MMP15: variants seen among roughly 807,000 people sequenced by gnomAD.
MMP15 encodes matrix metalloproteinase-15.
In MMP15, 36 loss-of-function variants were observed where a neutral mutation model predicts 65.0. The observed-to-expected ratio is 0.55, with a 90% CI of 0.42 to 0.73. MMP15 has a LOEUF of 0.73. Among genes scored for constraint, MMP15 ranks in the 30% least tolerant of loss-of-function variants. The pLI is 0.00. For missense variants in MMP15, 870 were observed against 987.8 expected, an observed-to-expected ratio of 0.88 and a Z score of 1.60; for synonymous variants, 428 against 410.2, an observed-to-expected ratio of 1.04 and a Z score of -0.52.
At position 58,037,534 on chromosome 16, in the gene MMP15, C is replaced by T. The variant is rs140533094; in HGVS notation, c.225C>T (p.Ser75=). The change falls in exon 2 of 10, where the codon TCC becomes TCT. Residue 75 remains serine (S), a synonymous_variant. Coordinates refer to ENST00000219271, the MANE Select transcript of MMP15 (RefSeq NM_002428.4). ...GCCGCCATATGTCCACCATGCGTTC[C>T]GCCCAGATCTTGGCCTCGGCCCTTG... The part of the protein sequence containing the change: ...QPSRHMSTMR[S]AQILASALAE... 516 of 1,614,166 alleles carry T rather than the reference C, an allele frequency of 3.2e-4. No individual in the cohort carries two copies. In the African/African-American group the frequency reaches 5.1e-3, roughly 16 times the overall value.
intron 1 of MMP15, among the ~76,000 whole-genome samples, chr16:58,036,351 G>A (rs1029164528): frequency 2.0e-5 from 3 of 152,230 alleles, no homozygotes; most frequent in Non-Finnish European, 4.4e-5. Flanking sequence ...CCTGTGGGGT[G>A]TGGGTTCCTT....
chr16:58,041,249 G>A (rs796465546), intron 5 of MMP15, among the ~76,000 whole-genome samples: 5 of 152,288 alleles, frequency 3.3e-5, no homozygotes, highest in African/African-American at 1.2e-4. Flanking sequence ...TGCCGTGCTG[G>A]GCACTTGACG....
In MMP15 at chr16:58,026,460, T is replaced by C; in HGVS notation, c.110T>C (p.Leu37Pro). 2.1e-6 allele frequency: 3 copies of C among 1,434,750 alleles called. No homozygotes were observed. Among genetic ancestry groups the C allele is most frequent in the Non-Finnish European group, 2.7e-6 (3 of 1,094,798 alleles). 88.9% of individuals were successfully genotyped at this position (1,434,750 alleles called of 1,614,324 possible). ...CTGCTGCCGCTGCTCCTGGTGCTTC[T>C]GGGCTGCCTGGGCCTTGGCGTAGCG... ...PRLLPLLLVLLGCLGLGVAAE... is the reference protein window; with the variant it reads ...PRLLPLLLVLPGCLGLGVAAE... Residue 37 changes from leucine (L) to proline (P), a missense_variant, in exon 1 of 10, where the codon CTG (leucine) becomes CCG (proline). Physicochemically the swap from Leu to Pro is moderately conservative, Grantham distance 98. Coordinates refer to ENST00000219271, the MANE Select transcript of MMP15 (RefSeq NM_002428.4).
intron 1 of MMP15, among the ~76,000 whole-genome samples, chr16:58,029,657 C>T (rs1963869489): frequency 6.6e-6 from 1 of 152,216 alleles, no homozygotes; most frequent in African/African-American, 2.4e-5. Flanking sequence ...GAGAACAGCC[C>T]AGTGTAAGCT....
chr16:58,045,139 G>C lies in MMP15; in HGVS notation c.1703G>C (p.Arg568Pro). The change falls in exon 10 of 10, where the codon CGA becomes CCA. Residue 568 changes from arginine (R) to proline (P), a missense_variant. Arg to Pro is a moderately radical substitution (Grantham distance 103). Transcript: ENST00000219271. ...GCQEHVEPGP[R>P]WPDVARPPFN... is the part of the protein sequence containing the mutation. Reference sequence around the variant, plus strand: ...CAGGAGCACGTGGAGCCAGGCCCCCGATGGCCCGACGTGGCCCGGCCGCCC... The same window carrying C: ...CAGGAGCACGTGGAGCCAGGCCCCCCATGGCCCGACGTGGCCCGGCCGCCC... 2 of 1,602,880 alleles carry C rather than the reference G, an allele frequency of 1.2e-6. No individual in the cohort carries two copies. Among genetic ancestry groups the C allele is most frequent in the South Asian group, 2.2e-5 (2 of 89,744 alleles).
At chr16:58,033,205 G>A (rs1198678110) in intron 1 of MMP15, among the ~76,000 whole-genome samples, 1 of 152,216 alleles carries the variant, frequency 6.6e-6, no homozygotes. Flanking sequence ...GTGTGGGGAG[G>A]ATTAGGCACC....
chr16:58,038,037 G>A (rs560771082), intron 2 of MMP15, among the ~76,000 whole-genome samples: 1 of 152,346 alleles, frequency 6.6e-6, no homozygotes, highest in East Asian at 1.9e-4. Context: ...CCATTACTGG[G>A]TGATAAGGAG....
chr16:58,035,708 G>A (rs755662139), intron 1 of MMP15, among the ~76,000 whole-genome samples: 30 of 152,218 alleles, frequency 2.0e-4, no homozygotes, highest in Non-Finnish European at 4.0e-4. Flanking sequence ...TGTCCCCAGA[G>A]CTGGTGGTGG....
chr16:58,035,314 G>A (rs1277203915), intron 1 of MMP15, among the ~76,000 whole-genome samples: 1 of 152,228 alleles, frequency 6.6e-6, no homozygotes, highest in Non-Finnish European at 1.5e-5. Flanking sequence ...CTGGGCCAGA[G>A]GTGAGGAGTG....
chr16:58,040,292 CTG>C, intron 4 of MMP15, 110 bp downstream of exon 4: 1 of 1,189,436 alleles, frequency 8.4e-7, no homozygotes. Flanking sequence ...GAGAGTTCCC[CTG>C]TGTTTGTCTC....
chr16:58,043,416 C>T (rs1169941731), intron 8 of MMP15, 56 bp downstream of exon 8: 2 of 1,592,354 alleles, frequency 1.3e-6, no homozygotes, highest in Non-Finnish European at 1.7e-6. Flanking sequence ...CCCCCCTCAA[C>T]CTCAGGCCTA....
In MMP15 at chr16:58,037,582, G is replaced by A. The variant is rs1191860899; in HGVS notation, c.273G>A (p.Gly91=). 1.1e-5 allele frequency: 17 copies of A among 1,614,086 alleles called. No homozygotes were observed. Among genetic ancestry groups the A allele is most frequent in the Non-Finnish European group, 1.4e-5 (17 of 1,180,050 alleles). Reference sequence around the variant, plus strand: ...TTGCAGAGATGCAGCGCTTCTACGGGATCCCAGTCACCGGTGTGCTCGACG... The same window carrying A: ...TTGCAGAGATGCAGCGCTTCTACGGAATCCCAGTCACCGGTGTGCTCGACG... ...SALAEMQRFY[G]IPVTGVLDEE... is the part of the protein sequence containing the mutation. Residue 91 remains glycine (G), a synonymous_variant, in exon 2 of 10, where the codon GGG becomes GGA. Transcript: ENST00000219271.
intron 1 of MMP15, among the ~76,000 whole-genome samples, chr16:58,031,618 T>C (rs146482933): frequency 6.6e-6 from 1 of 152,284 alleles, no homozygotes; most frequent in Non-Finnish European, 1.5e-5. Flanking sequence ...GCTGGAAGGC[T>C]GCTGGGTAAA....
chr16:58,030,395 G>A (rs1042437871), intron 1 of MMP15, among the ~76,000 whole-genome samples: 1 of 152,184 alleles, frequency 6.6e-6, no homozygotes, highest in African/African-American at 2.4e-5. Flanking sequence ...GAGACCAGAG[G>A]CCATGGAGCT....
In MMP15 at chr16:58,043,341, T is replaced by G. The variant is rs1362489887; in HGVS notation, c.1435T>G (p.Phe479Val). ...CTGGTGGGAGCCCACAGGCCACACC[T>G]TCTTCTTCCAAGAGGACAGGTGAGC... ...AIWWEPTGHTFFFQEDRYWRF... is the reference protein window; with the variant it reads ...AIWWEPTGHTVFFQEDRYWRF... The change falls in exon 8 of 10, where the codon TTC (phenylalanine) becomes GTC (valine). Residue 479 changes from phenylalanine (F) to valine (V), a missense_variant. Physicochemically the swap from Phe to Val is conservative, Grantham distance 50. Transcript: ENST00000219271. The G allele has an allele frequency of 6.2e-7, 1 of 1,605,306 alleles. No homozygotes were observed. The highest frequency in any genetic ancestry group is 2.2e-5 in the East Asian group (1 of 44,588).
At chr16:58,030,756 A>G (rs1417915311) in intron 1 of MMP15, among the ~76,000 whole-genome samples, 1 of 152,134 alleles carries the variant, frequency 6.6e-6, no homozygotes, top group Admixed American at 6.6e-5. Context: ...GGTGGCCTAC[A>G]CCCTGTGTCC....
chr16:58,041,487 T>G, intron 5 of MMP15, 130 bp from the exon 6 acceptor site: 2 of 952,886 alleles, frequency 2.1e-6, no homozygotes, highest in Non-Finnish European at 3.1e-6. Context: ...GAGGCAGGTG[T>G]TGGGGAGGGG....
In MMP15 at chr16:58,026,103, A is replaced by C; in HGVS notation, c.-248A>C. The C allele has an allele frequency of 2.7e-6, 1 of 366,238 alleles. No individual in the cohort carries two copies. The highest frequency in any genetic ancestry group is 4.1e-5 in the East Asian group (1 of 24,636). The allele number at this position is 366,238 out of a possible 1,614,324, so 22.7% of individuals were successfully genotyped here. On this transcript the variant is annotated 5_prime_UTR_variant, in exon 1 of 10. Coordinates refer to ENST00000219271, the MANE Select transcript of MMP15 (RefSeq NM_002428.4). ...AGGCGCTGGGCGCCGAGGCTGCGGAACCTCGCCGGGGGCAGCTCCGGTCGG... is the reference window on the plus strand; with the variant it reads ...AGGCGCTGGGCGCCGAGGCTGCGGACCCTCGCCGGGGGCAGCTCCGGTCGG...
In MMP15 at chr16:58,045,028, G is replaced by T. The variant is rs1394718614; in HGVS notation, c.1592G>T (p.Gly531Val). The stretch of plus-strand genomic sequence containing the variant: ...GCAGCCTACACCTACTTCTACAAGG[G>T]CACCAAATACTGGAAATTCGACAAT... ...NDAAYTYFYK[G>V]TKYWKFDNER... The change falls in exon 10 of 10, where the codon GGC (glycine) becomes GTC (valine). Residue 531 changes from glycine (G) to valine (V), a missense_variant. Gly to Val is a moderately radical substitution (Grantham distance 109). Coordinates refer to ENST00000219271, the MANE Select transcript of MMP15 (RefSeq NM_002428.4). The T allele has an allele frequency of 1.2e-6, 2 of 1,613,384 alleles. No homozygotes were observed. The highest frequency in any genetic ancestry group is 1.7e-6 in the Non-Finnish European group (2 of 1,180,008).
Sources: gnomAD v4.1 joint callset for allele counts (sites outside exome capture counted in the v4.1 genomes callset) on GRCh38, gnomAD v4.1.1 for gene constraint, MANE v1.5 for transcripts, NCBI Gene and HGNC (gene_info 2026-07-23, HGNC 2026-07-21) for gene names.